DGKI: variants seen among roughly 807,000 people sequenced by gnomAD.
DGKI encodes diacylglycerol kinase iota.
Under a neutral mutation model 147.5 loss-of-function variants are expected in DGKI, and 55 were observed. The ratio of observed to expected loss-of-function variants is 0.37; its 90% CI spans 0.30 to 0.47. The LOEUF (loss-of-function observed/expected upper bound fraction) is 0.47. Among genes scored for constraint, DGKI ranks in the 20% least tolerant of loss-of-function variants. DGKI has a pLI of 1.00. For synonymous variants in DGKI, 469 were observed against 477.1 expected, an observed-to-expected ratio of 0.98 and a Z score of 0.22; for missense variants, 1,007 against 1,323.8, an observed-to-expected ratio of 0.76 and a Z score of 3.71.
intron 1 of DGKI, among the ~76,000 whole-genome samples, chr7:137,696,900 A>G (rs1035325608): frequency 2.0e-5 from 3 of 152,134 alleles, no homozygotes; most frequent in Non-Finnish European, 2.9e-5. Context: ...CTGTGTCTTT[A>G]TAAAAAGGGG....
intron 28 of DGKI, among the ~76,000 whole-genome samples, chr7:137,426,535 C>A (rs1355062260): frequency 5.3e-5 from 8 of 152,040 alleles, no homozygotes; most frequent in Non-Finnish European, 7.3e-5. Context: ...ACAGGATCAA[C>A]TTCACACATA....
At chr7:137,640,722 T>C (rs6979919) in intron 6 of DGKI, among the ~76,000 whole-genome samples, 21,499 of 152,148 alleles carry the variant, frequency 0.14, 4,864 homozygotes, top group African/African-American at 0.48. Context: ...ATATCCCAAC[T>C]GCACTCCCAT....
chr7:137,841,197 C>T (rs867804719), intron 1 of DGKI, among the ~76,000 whole-genome samples: 6 of 152,194 alleles, frequency 3.9e-5, no homozygotes, highest in African/African-American at 1.4e-4. Flanking sequence ...CCCAAGTGGA[C>T]GCTTTTGAGC....
intron 23 of DGKI, among the ~76,000 whole-genome samples, chr7:137,472,406 T>TAC (rs1491252729): frequency 1.0e-4 from 14 of 137,040 alleles, no homozygotes; most frequent in African/African-American, 1.7e-4. Context: ...AATTATTATA[T>TAC]GTATATATAC....
chr7:137,694,049 C>T (rs1337300860), intron 1 of DGKI, among the ~76,000 whole-genome samples: 3 of 152,110 alleles, frequency 2.0e-5, no homozygotes, highest in East Asian at 1.9e-4. Flanking sequence ...AGGCCGGGCA[C>T]GGTGGCTCAC....
At chr7:137,757,764 G>C (rs1208984128) in intron 1 of DGKI, among the ~76,000 whole-genome samples, 1 of 152,188 alleles carries the variant, frequency 6.6e-6, no homozygotes, top group Non-Finnish European at 1.5e-5. Context: ...GGTTCCCCAA[G>C]GCACTGGGCA....
At chr7:137,476,347 ATT>A (rs932966403) in intron 23 of DGKI, among the ~76,000 whole-genome samples, 1 of 151,972 alleles carries the variant, frequency 6.6e-6, no homozygotes, top group Admixed American at 6.6e-5. Context: ...CGGTGTGCTC[ATT>A]TTTTGCTTCT....
intron 27 of DGKI, among the ~76,000 whole-genome samples, chr7:137,445,433 C>A (rs991543453): frequency 6.6e-6 from 1 of 152,124 alleles, no homozygotes; most frequent in African/African-American, 2.4e-5. Context: ...GGAAACCTGC[C>A]ACAATCCCTA....
At chr7:137,399,900 G>A (rs545993063) in intron 30 of DGKI, among the ~76,000 whole-genome samples, 1 of 136,664 alleles carries the variant, frequency 7.3e-6, no homozygotes, top group South Asian at 2.6e-4. Flanking sequence ...GGGTGACAGA[G>A]CAAGACTTCT....
At chr7:137,483,172 A>G (rs1240470561) in intron 23 of DGKI, among the ~76,000 whole-genome samples, 1 of 152,112 alleles carries the variant, frequency 6.6e-6, no homozygotes, top group Non-Finnish European at 1.5e-5. Flanking sequence ...AGTTACAGAT[A>G]GGGCATAAAA....
At chr7:137,472,251 C>CATAATATTATATGTATATATACAT (rs1396343332) in intron 23 of DGKI, among the ~76,000 whole-genome samples, 9 of 62,166 alleles carry the variant, frequency 1.4e-4, no homozygotes, top group East Asian at 4.0e-4. Context: ...TATATATACA[C>CATAATATTATATGTATATATACAT]ATAATATTAT....
chr7:137,722,764 A>G, intron 1 of DGKI: 3 of 1,481,774 alleles, frequency 2.0e-6, no homozygotes, highest in Non-Finnish European at 2.8e-6. Flanking sequence ...AATTTTACCA[A>G]AAATCAAAGC....
intron 3 of DGKI, among the ~76,000 whole-genome samples, chr7:137,664,309 T>C (rs1238363239): frequency 7.7e-6 from 1 of 129,802 alleles, no homozygotes; most frequent in African/African-American, 2.9e-5. Context: ...ACCTGGGAGG[T>C]GGAGGTTGCA....
chr7:137,618,148 TA>T (rs1355845411), intron 8 of DGKI, among the ~76,000 whole-genome samples: 2,457 of 26,060 alleles, frequency 0.094, 275 homozygotes, highest in African/African-American at 0.22. Flanking sequence ...TATATATATA[TA>T]TATTTTTTTT....
intron 6 of DGKI, among the ~76,000 whole-genome samples, chr7:137,636,506 T>C (rs1301275849): frequency 6.6e-6 from 1 of 152,202 alleles, no homozygotes; most frequent in Non-Finnish European, 1.5e-5. Context: ...ACTGTGGCTT[T>C]CCACCCAGAT....
At chr7:137,729,013 G>A (rs1287484065) in intron 1 of DGKI, among the ~76,000 whole-genome samples, 8 of 151,998 alleles carry the variant, frequency 5.3e-5, no homozygotes, top group East Asian at 3.9e-4. Context: ...GTTAGTTCTC[G>A]TTCTCCAAAT....
chr7:137,590,171 T>A (rs987688071), intron 12 of DGKI, among the ~76,000 whole-genome samples: 1 of 152,184 alleles, frequency 6.6e-6, no homozygotes, highest in Non-Finnish European at 1.5e-5. Flanking sequence ...TGCCTGATAA[T>A]GGAGAAATAA....
intron 1 of DGKI, among the ~76,000 whole-genome samples, chr7:137,834,891 C>G (rs1798321895): frequency 6.6e-6 from 1 of 152,194 alleles, no homozygotes; most frequent in Admixed American, 6.5e-5. Flanking sequence ...AAAAATATAG[C>G]ACCTGACAGC....
chr7:137,566,818 C>T (rs1260793836), intron 19 of DGKI, among the ~76,000 whole-genome samples: 1 of 151,968 alleles, frequency 6.6e-6, no homozygotes, highest in Admixed American at 6.6e-5. Flanking sequence ...TTAAATTGCC[C>T]ATTTCTATAT....
Sources: gnomAD v4.1 joint callset for allele counts (sites outside exome capture counted in the v4.1 genomes callset) on GRCh38, gnomAD v4.1.1 for gene constraint, MANE v1.5 for transcripts, NCBI Gene and HGNC (gene_info 2026-07-23, HGNC 2026-07-21) for gene names.